Variants in CDK14 observed in about 807,000 individuals in gnomAD.
The protein encoded by CDK14 is cyclin-dependent kinase 14.
CDK14 carries 34 observed loss-of-function variants against 60.7 expected under a neutral mutation model. That is an observed-to-expected ratio of 0.56 (90% CI 0.43 to 0.75). CDK14 has a LOEUF of 0.75. CDK14 is among the 30% of genes least tolerant of loss of function. The pLI is 0.00. For synonymous variants in CDK14, 197 were observed against 203.7 expected, an observed-to-expected ratio of 0.97 and a Z score of 0.28; for missense variants, 482 against 564.1, an observed-to-expected ratio of 0.85 and a Z score of 1.47.
At chr7:90,894,182 A>T (rs1249843470) in intron 6 of CDK14, among the ~76,000 whole-genome samples, 13 of 152,288 alleles carry the variant, frequency 8.5e-5, no homozygotes, top group South Asian at 8.3e-4. Context: ...ACTGCTATGG[A>T]TGTTTACCAG....
chr7:90,805,059 G>A (rs1251659454), intron 5 of CDK14, among the ~76,000 whole-genome samples: 1 of 152,082 alleles, frequency 6.6e-6, no homozygotes, highest in Non-Finnish European at 1.5e-5. Context: ...AAACTTGCCA[G>A]TAAATGACTG....
In CDK14 at chr7:90,813,947, T is replaced by G. The variant is rs545974192; in HGVS notation, c.544+23295T>G. The stretch of plus-strand genomic sequence containing the variant: ...CACCTACATTTTCTCCTAATTTTAT[T>G]AAAATACCGATTTATAGGTTTAGCC... On this transcript the variant is annotated intron_variant, in intron 5 of 14. Transcript: ENST00000380050. Among the ~76,000 whole-genome samples, 98 of 152,320 alleles carry G rather than the reference T, an allele frequency of 6.4e-4. 1 individual carries two copies. Among genetic ancestry groups the G allele is most frequent in the South Asian group, 1.9e-3 (9 of 4,824 alleles).
chr7:91,180,181 A>C (rs1801951415), intron 14 of CDK14, among the ~76,000 whole-genome samples: 1 of 152,314 alleles, frequency 6.6e-6, no homozygotes, highest in African/African-American at 2.4e-5. Flanking sequence ...GCAATCAGAG[A>C]TCCCCACCTT....
At chr7:90,805,441 C>A (rs13224549) in intron 5 of CDK14, among the ~76,000 whole-genome samples, 22,628 of 151,940 alleles carry the variant, frequency 0.15, 1,784 homozygotes, top group Non-Finnish European at 0.17. Context: ...TCTCAACACA[C>A]ACACACACAC....
intron 10 of CDK14, among the ~76,000 whole-genome samples, chr7:91,014,656 A>G (rs1796251203): frequency 6.6e-6 from 1 of 152,308 alleles, no homozygotes; most frequent in East Asian, 1.9e-4. Context: ...TAATATATCA[A>G]ACAGCCATAC....
chr7:90,949,255 A>G (rs1037276751), intron 8 of CDK14, among the ~76,000 whole-genome samples: 5 of 151,750 alleles, frequency 3.3e-5, no homozygotes, highest in African/African-American at 1.2e-4. Flanking sequence ...TCCAGGCTGG[A>G]GCAGTGATGC....
chr7:90,864,686 T>C (rs77751495), intron 6 of CDK14, among the ~76,000 whole-genome samples: 1,636 of 152,286 alleles, frequency 0.011, 24 homozygotes, highest in African/African-American at 0.036. Flanking sequence ...TTTATGGGGC[T>C]AAAATGTACA....
At chr7:91,069,799 T>C (rs1479352103) in intron 11 of CDK14, among the ~76,000 whole-genome samples, 1 of 152,176 alleles carries the variant, frequency 6.6e-6, no homozygotes, top group Non-Finnish European at 1.5e-5. Flanking sequence ...TTAAAATTTT[T>C]TGTTTGTTGT....
chr7:90,834,354 C>T (rs1204745232), intron 5 of CDK14, among the ~76,000 whole-genome samples: 1 of 152,046 alleles, frequency 6.6e-6, no homozygotes, highest in Non-Finnish European at 1.5e-5. Context: ...GTATGTCAGA[C>T]ATATAGATTG....
chr7:90,716,994 G>A (rs1012766021), intron 2 of CDK14, among the ~76,000 whole-genome samples: 1 of 152,056 alleles, frequency 6.6e-6, no homozygotes, highest in African/African-American at 2.4e-5. Flanking sequence ...CAGTCTGCAA[G>A]CAGCAAGGGG....
intron 2 of CDK14, among the ~76,000 whole-genome samples, chr7:90,639,885 C>A (rs1800275448): frequency 1.3e-5 from 2 of 152,112 alleles, no homozygotes; most frequent in Non-Finnish European, 2.9e-5. Flanking sequence ...GCTGTGCTAG[C>A]AATCGGCGAG....
chr7:91,007,765 A>T (rs906016792), intron 10 of CDK14, among the ~76,000 whole-genome samples: 2 of 151,630 alleles, frequency 1.3e-5, no homozygotes, highest in Non-Finnish European at 2.9e-5. Flanking sequence ...ATCAATAAAG[A>T]TAGTTTGTGA....
intron 11 of CDK14, among the ~76,000 whole-genome samples, chr7:91,075,948 A>G (rs551532809): frequency 2.0e-5 from 3 of 152,142 alleles, no homozygotes; most frequent in Non-Finnish European, 4.4e-5. Flanking sequence ...ACTACAAACC[A>G]CTGCTCAAGA....
At chr7:90,732,296 A>G (rs1802899054) in intron 3 of CDK14, among the ~76,000 whole-genome samples, 1 of 151,656 alleles carries the variant, frequency 6.6e-6, no homozygotes, top group South Asian at 2.1e-4. Context: ...TTGGCTTGAA[A>G]TTTTCTTTTT....
chr7:90,960,263 A>T lies in CDK14; in HGVS notation c.947+4446A>T, dbSNP rs141602317. Among the ~76,000 whole-genome samples, 637 of 152,242 alleles carry T rather than the reference A, an allele frequency of 4.2e-3. 2 individuals are homozygous for T. The highest frequency in any genetic ancestry group is 0.01 in the Middle Eastern group (3 of 294). On this transcript the variant is annotated intron_variant, in intron 9 of 14. Transcript: ENST00000380050. Reference sequence around the variant, plus strand: ...AGACCACAGTGCTTTGGGGGTGGGTAAAATATATAGTAGCACTACCCTGAG... The same window carrying T: ...AGACCACAGTGCTTTGGGGGTGGGTTAAATATATAGTAGCACTACCCTGAG...
chr7:90,903,663 A>C (rs923377921), intron 7 of CDK14, among the ~76,000 whole-genome samples: 1 of 152,164 alleles, frequency 6.6e-6, no homozygotes, highest in South Asian at 2.1e-4. Flanking sequence ...GTAGTCTAAC[A>C]ATAGTTAACA....
At chr7:90,896,147 T>C (rs528754789) in intron 6 of CDK14, among the ~76,000 whole-genome samples, 11 of 152,258 alleles carry the variant, frequency 7.2e-5, no homozygotes, top group African/African-American at 2.2e-4. Flanking sequence ...ATTTTTATGT[T>C]AAAATAAATA....
intron 2 of CDK14, among the ~76,000 whole-genome samples, chr7:90,640,617 TATG>T (rs1425614183): frequency 1.3e-5 from 2 of 152,068 alleles, no homozygotes; most frequent in African/African-American, 2.4e-5. Context: ...GGGAATAAAA[TATG>T]ATATTTAGGT....
At chr7:90,658,744 G>A (rs1375567830) in intron 2 of CDK14, among the ~76,000 whole-genome samples, 1 of 152,188 alleles carries the variant, frequency 6.6e-6, no homozygotes, top group Non-Finnish European at 1.5e-5. Context: ...ATGGTGAATA[G>A]TGCTGCTATA....
Sources: gnomAD v4.1 joint callset for allele counts (sites outside exome capture counted in the v4.1 genomes callset) on GRCh38, gnomAD v4.1.1 for gene constraint, MANE v1.5 for transcripts, NCBI Gene and HGNC (gene_info 2026-07-23, HGNC 2026-07-21) for gene names.